The following PCBP3 variants were observed in gnomAD, a reference collection of about 807,000 sequenced individuals.
The protein encoded by PCBP3 is poly(rC) binding protein 3, also known as poly(rC)-binding protein 3.
Under a neutral mutation model 52.7 loss-of-function variants are expected in PCBP3, and 25 were observed. The ratio of observed to expected loss-of-function variants is 0.47; its 90% CI spans 0.35 to 0.66. The LOEUF (loss-of-function observed/expected upper bound fraction) is 0.66, where lower values mean the gene tolerates loss of function less well. Ranked by LOEUF, PCBP3 falls within the 30% of genes least tolerant of loss-of-function variation. The pLI, the probability that PCBP3 is intolerant of heterozygous loss-of-function variation, is 0.01. For missense variants in PCBP3, 391 were observed against 490.3 expected (o/e 0.80, Z 1.91); for synonymous variants, 162 against 183.0 (o/e 0.89, Z 0.93).
chr21:45,845,212 G>A (rs1302260985), intron 4 of PCBP3, among the ~76,000 whole-genome samples: 1 of 152,232 alleles, frequency 6.6e-6, no homozygotes, highest in Non-Finnish European at 1.5e-5. Context: ...CCAAGTCATG[G>A]TTTCCTGTCT....
chr21:45,815,057 T>A (rs111213137), intron 4 of PCBP3, among the ~76,000 whole-genome samples: 20 of 35,226 alleles, frequency 5.7e-4, no homozygotes, highest in South Asian at 2.6e-3. Flanking sequence ...GTGGTGAGTG[T>A]TGAGTGAGTG....
At chr21:45,654,026 A>G (rs1185677102) in intron 1 of PCBP3, among the ~76,000 whole-genome samples, 1 of 152,130 alleles carries the variant, frequency 6.6e-6, no homozygotes, top group Non-Finnish European at 1.5e-5. Context: ...ACCCCCCTCC[A>G]GATTCATATG....
At chr21:45,750,446 G>A (rs1296321464) in intron 3 of PCBP3, 1 of 131,198 alleles carries the variant, frequency 7.6e-6, no homozygotes, top group Admixed American at 9.5e-5. Flanking sequence ...ATTCACCGCT[G>A]TCCTAGTGTC....
chr21:45,863,832 C>T (rs940186000), intron 5 of PCBP3, among the ~76,000 whole-genome samples: 8 of 152,282 alleles, frequency 5.3e-5, no homozygotes, highest in Non-Finnish European at 1.2e-4. Context: ...CGACGGGAGT[C>T]CCAGGCAATG....
At chr21:45,909,766 CCCCCACCCA>C (rs2096297023) in intron 10 of PCBP3, among the ~76,000 whole-genome samples, 59 of 109,372 alleles carry the variant, frequency 5.4e-4, no homozygotes, top group African/African-American at 6.3e-4. Flanking sequence ...ATACGGACCC[CCCCCACCCA>C]CTGCCCAGAT....
At chr21:45,828,038 C>T (rs2093351153) in intron 4 of PCBP3, 1 of 152,296 alleles carries the variant, frequency 6.6e-6, no homozygotes, top group South Asian at 2.1e-4. Flanking sequence ...TCCCAAGCAA[C>T]TAGTGCAGTC....
At position 45,802,023 on chromosome 21, in the gene PCBP3, G is replaced by A. The variant is rs1170335987; in HGVS notation, c.-126+46571G>A. Among the ~76,000 whole-genome samples the A allele has an allele frequency of 1.3e-5, 2 of 152,126 alleles. No individual in the cohort carries two copies. Among genetic ancestry groups the A allele is most frequent in the African/African-American group, 2.4e-5 (1 of 41,408 alleles). ...CACTGACTGTCCCTCTGTGGCTCTC[G>A]GGGTCTCCCCTCCTCTTCCTTGAGG... On this transcript the variant is annotated intron_variant, in intron 4 of 17. Coordinates refer to ENST00000681687, the MANE Select transcript of PCBP3 (RefSeq NM_001384156.1). The surrounding 1 kb of genome is among the most constrained non-coding windows in gnomAD (Gnocchi z 5.1).
intron 2 of PCBP3, among the ~76,000 whole-genome samples, chr21:45,730,681 G>T (rs1004299195): frequency 1.3e-5 from 2 of 152,040 alleles, no homozygotes; most frequent in Non-Finnish European, 2.9e-5. Flanking sequence ...TTGGTGGGGG[G>T]TTGCTTTATA....
At chr21:45,831,757 C>G (rs2093456348) in intron 4 of PCBP3, among the ~76,000 whole-genome samples, 1 of 152,202 alleles carries the variant, frequency 6.6e-6, no homozygotes, top group African/African-American at 2.4e-5. Flanking sequence ...GTCGCCCAGG[C>G]TGGAGTGCAG....
In PCBP3 at chr21:45,724,218, GCT is replaced by G. The variant is rs941818392; in HGVS notation, c.-199-11172_-199-11171del. On this transcript the variant is annotated intron_variant, in intron 2 of 17. Transcript: ENST00000681687. The surrounding 1 kb of genome is among the most constrained non-coding windows in gnomAD (Gnocchi z 5.3). ...TTTATTGAGATCTGTTGAAGTCTGAGCTCCTATTAACACATTTATCGAAAATG... is the reference window on the plus strand; with the variant it reads ...TTTATTGAGATCTGTTGAAGTCTGAGCCTATTAACACATTTATCGAAAATG... Among the ~76,000 whole-genome samples the G allele has an allele frequency of 6.6e-6, 1 of 152,184 alleles. No homozygotes were observed. The highest frequency in any genetic ancestry group is 2.4e-5 in the African/African-American group (1 of 41,438).
chr21:45,657,641 A>G (rs1470694429), intron 1 of PCBP3, among the ~76,000 whole-genome samples: 2 of 151,336 alleles, frequency 1.3e-5, no homozygotes, highest in Non-Finnish European at 2.9e-5. Flanking sequence ...TTGCATTTTC[A>G]TATGATTTTT....
intron 2 of PCBP3, among the ~76,000 whole-genome samples, chr21:45,698,040 C>T (rs569925848): frequency 2.6e-5 from 4 of 152,288 alleles, no homozygotes; most frequent in African/African-American, 9.6e-5. Context: ...TGTTGTCTCA[C>T]CTGGGCTTCA....
chr21:45,850,940 A>G (rs187321075), intron 5 of PCBP3, among the ~76,000 whole-genome samples: 72 of 152,366 alleles, frequency 4.7e-4, no homozygotes, highest in Non-Finnish European at 7.5e-4. Context: ...AAATAAAATC[A>G]TAAAAGAAAT....
At chr21:45,929,809 C>A in intron 13 of PCBP3, 108 bp from the exon 14 acceptor site, 1 of 806,006 alleles carries the variant, frequency 1.2e-6, no homozygotes, top group South Asian at 1.5e-5. Flanking sequence ...GTCCGCATGG[C>A]CCTCTTTCTA....
chr21:45,891,476 G>A (rs1197127552), intron 5 of PCBP3, among the ~76,000 whole-genome samples: 1 of 152,202 alleles, frequency 6.6e-6, no homozygotes, highest in Admixed American at 6.5e-5. Context: ...AGAGAAGCCA[G>A]ACACAAAAGA....
chr21:45,648,180 T>C (rs1356364553), intron 1 of PCBP3, among the ~76,000 whole-genome samples: 1 of 152,218 alleles, frequency 6.6e-6, no homozygotes, highest in Non-Finnish European at 1.5e-5. Flanking sequence ...AACTGTAAGA[T>C]AAATGTTTGT....
chr21:45,676,600 T>A (rs1450572744), intron 2 of PCBP3, among the ~76,000 whole-genome samples: 1 of 152,138 alleles, frequency 6.6e-6, no homozygotes, highest in Non-Finnish European at 1.5e-5. Flanking sequence ...CCATATAAGA[T>A]GTTCTATGTG....
At chr21:45,801,507 A>G (rs1008929138) in intron 4 of PCBP3, among the ~76,000 whole-genome samples, 1 of 152,170 alleles carries the variant, frequency 6.6e-6, no homozygotes, top group African/African-American at 2.4e-5. Flanking sequence ...TCTTCTTGAC[A>G]TGGGTTTCAG....
intron 3 of PCBP3, chr21:45,750,875 A>ATT (rs1569181840): frequency 2.6e-5 from 3 of 115,452 alleles, no homozygotes; most frequent in Admixed American, 8.5e-5. Flanking sequence ...CATACATGTA[A>ATT]GTGTGTGTGT....
Sources: gnomAD v4.1 joint callset for allele counts (sites outside exome capture counted in the v4.1 genomes callset) on GRCh38, gnomAD v4.1.1 for gene constraint, Gnocchi (gnomAD v3.1) non-coding constraint, MANE v1.5 for transcripts, NCBI Gene and HGNC (gene_info 2026-07-23, HGNC 2026-07-21) for gene names.